Variants in TRPM2 observed in about 807,000 individuals in gnomAD.
The protein encoded by TRPM2 is estrogen-responsive element-associated gene 1 protein.
A neutral mutation model predicts 174.0 loss-of-function variants in TRPM2; 161 were observed. The ratio of observed to expected loss-of-function variants is 0.93; its 90% confidence interval spans 0.81 to 1.05. The LOEUF is 1.05. Among genes scored for constraint, TRPM2 ranks in the 50% least tolerant of loss-of-function variants. The pLI is 0.00. For missense variants in TRPM2, 2,057 were observed against 2,038.0 expected, an observed-to-expected ratio of 1.01 and a Z score of -0.18; for synonymous variants, 954 against 861.3, an observed-to-expected ratio of 1.11 and a Z score of -1.88.
chr21:44,400,035 C>T (rs1602226439), intron 14 of TRPM2, among the ~76,000 whole-genome samples: 2 of 152,290 alleles, frequency 1.3e-5, no homozygotes, highest in East Asian at 3.9e-4. Flanking sequence ...ACTGCGGGGC[C>T]TTCGAAGCCA....
chr21:44,399,480 T>C lies in TRPM2; in HGVS notation c.2208+39T>C. The C allele has an allele frequency of 6.3e-7, 1 of 1,591,966 alleles. No homozygotes were observed. The highest frequency in any genetic ancestry group is 1.1e-5 in the South Asian group (1 of 88,334). ...AGCCCCTTCCAGAAACAGACGCCTG[T>C]GGTGCCTGCAGGGCGGACACAGCCT... On this transcript the variant is annotated intron_variant, in intron 14 of 31. Coordinates refer to ENST00000397928, the MANE Select transcript of TRPM2 (RefSeq NM_003307.4). This position sits in a 1 kb window ranked among gnomAD's most constrained non-coding sequence, Gnocchi z 4.6.
intron 6 of TRPM2, among the ~76,000 whole-genome samples, chr21:44,377,146 A>G (rs907795441): frequency 6.6e-6 from 1 of 152,182 alleles, no homozygotes; most frequent in Non-Finnish European, 1.5e-5. Context: ...TGTGAAGACG[A>G]TGGGCCCATG....
chr21:44,392,419 A>AG (rs2049209787), intron 11 of TRPM2, among the ~76,000 whole-genome samples: 1 of 146,156 alleles, frequency 6.8e-6, no homozygotes. Flanking sequence ...CACCACACCC[A>AG]GCTTTTTTTT....
intron 19 of TRPM2, among the ~76,000 whole-genome samples, chr21:44,409,712 G>C: frequency 1.9e-5 from 1 of 53,962 alleles, no homozygotes; most frequent in African/African-American, 5.6e-5. Flanking sequence ...TGTCTTGGTT[G>C]GCGTAGACTT....
rs569069247 is a variant in TRPM2 at position 44,404,454 on chromosome 21, A to G, written c.2539-688A>G. ...ATGCAGAATATATGTACATACACAT[A>G]TATGCACACACAGGTGCTGAGTGAG... is the stretch of plus-strand genomic sequence containing the variant. On this transcript the variant is annotated intron_variant, in intron 16 of 31. Coordinates refer to ENST00000397928, the MANE Select transcript of TRPM2 (RefSeq NM_003307.4). Among the ~76,000 whole-genome samples, 389 of 152,350 alleles carry G rather than the reference A, an allele frequency of 2.6e-3. 5 individuals are homozygous for G. Among genetic ancestry groups the G allele is most frequent in the African/African-American group, 9.1e-3 (378 of 41,582 alleles).
chr21:44,353,502 G>T, upstream of TRPM2: 1 of 678,276 alleles, frequency 1.5e-6, no homozygotes, highest in African/African-American at 1.9e-5. Context: ...ACATGTGCAG[G>T]CTGATGAAGA....
At position 44,417,922 on chromosome 21, in the gene TRPM2, G is replaced by T. The variant is rs983056000; in HGVS notation, c.3147-5G>T. 79 of 1,608,308 alleles carry T rather than the reference G, an allele frequency of 4.9e-5. No individual in the cohort carries two copies. Among genetic ancestry groups the T allele is most frequent in the Non-Finnish European group, 6.3e-5 (74 of 1,177,556 alleles). The stretch of plus-strand genomic sequence containing the variant: ...CTCGAGGTGTTGCTTTCTCCTCCCT[G>T]ACAGCTACACCTTCCAGCAGGTGCA... On this transcript the variant is annotated splice_region_variant and splice_polypyrimidine_tract_variant and intron_variant, in intron 20 of 31. Transcript: ENST00000397928.
upstream of TRPM2, among the ~76,000 whole-genome samples, chr21:44,352,083 G>A (rs2122999227): frequency 3.9e-5 from 6 of 152,184 alleles, no homozygotes; most frequent in Admixed American, 6.5e-5. Flanking sequence ...GTGCCACTGC[G>A]ATCTCTCTAG....
chr21:44,372,332 C>T (rs965097453), intron 5 of TRPM2, among the ~76,000 whole-genome samples: 6 of 152,054 alleles, frequency 3.9e-5, no homozygotes, highest in Admixed American at 6.6e-5. Context: ...GGAGAAACCC[C>T]GTCTCTACAA....
At chr21:44,436,861 G>A (rs1196792123) in intron 28 of TRPM2, among the ~76,000 whole-genome samples, 1 of 152,170 alleles carries the variant, frequency 6.6e-6, no homozygotes, top group Middle Eastern at 3.2e-3. Flanking sequence ...TACCAGCTAT[G>A]ATGGAAGTGA....
chr21:44,434,742 G>C (rs576599829), intron 27 of TRPM2, among the ~76,000 whole-genome samples: 1 of 152,170 alleles, frequency 6.6e-6, no homozygotes, highest in African/African-American at 2.4e-5. Context: ...ACTGCCCCTC[G>C]GAAGGCTGCC....
chr21:44,439,297 C>A lies in TRPM2; in HGVS notation c.4269+129C>A. The A allele has an allele frequency of 1.3e-6, 1 of 784,538 alleles. No homozygotes were observed. Among genetic ancestry groups the A allele is most frequent in the South Asian group, 1.6e-5 (1 of 61,974 alleles). 48.6% of individuals were successfully genotyped at this position (784,538 alleles called of 1,614,324 possible). A position where few individuals can be genotyped will look rare whatever the true frequency, so the allele number is the denominator to read the frequency against. On this transcript the variant is annotated intron_variant, in intron 30 of 31. Coordinates refer to ENST00000397928, the MANE Select transcript of TRPM2 (RefSeq NM_003307.4). The surrounding 1 kb of genome is among the most constrained non-coding windows in gnomAD (Gnocchi z 5.1). ...GGTCCCACCCAGCTTCACCAGGTGA[C>A]GGTGGTCCCAGCCCCTGCCCCCACG...
At chr21:44,423,809 C>A in intron 23 of TRPM2, 77 bp downstream of exon 23, 3 of 1,225,616 alleles carry the variant, frequency 2.4e-6, no homozygotes, top group South Asian at 1.3e-5. Context: ...GTGGTGGCAC[C>A]AAGAAGGAGG....
At chr21:44,388,660 A>AAC (rs2049082438) in intron 9 of TRPM2, among the ~76,000 whole-genome samples, 1 of 150,132 alleles carries the variant, frequency 6.7e-6, no homozygotes, top group Non-Finnish European at 1.5e-5. Flanking sequence ...CAAAAAAAAA[A>AAC]AAAAAAAAAA....
chr21:44,406,859 C>G (rs977181626), intron 19 of TRPM2, 94 bp downstream of exon 19: 188 of 1,472,252 alleles, frequency 1.3e-4, no homozygotes, highest in Non-Finnish European at 1.6e-4. Flanking sequence ...GAGGCCGGCT[C>G]CATCAGGGGG....
At chr21:44,384,214 T>C (rs1417273572) in intron 9 of TRPM2, among the ~76,000 whole-genome samples, 7 of 152,228 alleles carry the variant, frequency 4.6e-5, no homozygotes, top group Non-Finnish European at 4.4e-5. Flanking sequence ...CTGTGAATAA[T>C]TGTATGCCAA....
chr21:44,396,793 G>A (rs1263402765), intron 12 of TRPM2, among the ~76,000 whole-genome samples: 1 of 8,586 alleles, frequency 1.2e-4, no homozygotes, highest in South Asian at 3.0e-3. Flanking sequence ...CTGTGGAGGG[G>A]TGTGGAGGGA....
intron 8 of TRPM2, 102 bp from the exon 9 acceptor site, chr21:44,382,616 C>T: frequency 8.8e-7 from 1 of 1,142,210 alleles, no homozygotes; most frequent in Non-Finnish European, 1.3e-6. Context: ...GCAGGCAGGA[C>T]CCAAGGCTCT....
chr21:44,436,726 A>G (rs960295718), intron 28 of TRPM2, among the ~76,000 whole-genome samples: 36 of 150,370 alleles, frequency 2.4e-4, no homozygotes, highest in African/African-American at 8.8e-4. Context: ...ACATCACCTC[A>G]CTGGATTCCC....
Sources: allele counts gnomAD v4.1 joint callset (sites outside exome capture counted in the v4.1 genomes callset), GRCh38; gene constraint gnomAD v4.1.1; non-coding constraint Gnocchi (gnomAD v3.1); transcripts MANE v1.5; gene names NCBI Gene and HGNC (gene_info 2026-07-23, HGNC 2026-07-21).